TAX1BP1: variants seen among roughly 807,000 people sequenced by gnomAD.
TAX1BP1 encodes Tax1 binding protein 1.
TAX1BP1 carries 62 observed loss-of-function variants against 97.7 expected under a neutral mutation model. The ratio of observed to expected loss-of-function variants is 0.63; its 90% CI spans 0.52 to 0.78. The LOEUF (loss-of-function observed/expected upper bound fraction) is 0.78. TAX1BP1 is among the 30% of genes least tolerant of loss of function. The pLI is 0.00. For missense variants in TAX1BP1, 867 were observed against 916.1 expected, an observed-to-expected ratio of 0.95 and a Z score of 0.69; for synonymous variants, 340 against 304.2, an observed-to-expected ratio of 1.12 and a Z score of -1.23.
At chr7:27,820,525 T>G (rs934481250) in intron 15 of TAX1BP1, among the ~76,000 whole-genome samples, 2 of 152,206 alleles carry the variant, frequency 1.3e-5, no homozygotes, top group African/African-American at 4.8e-5. Context: ...TTAAATTTAA[T>G]TTTAATGTGT....
chr7:27,822,315 A>ATTGGGGAAAGTGGAAT (rs1452263932), intron 15 of TAX1BP1, among the ~76,000 whole-genome samples: 12 of 152,164 alleles, frequency 7.9e-5, no homozygotes, highest in Non-Finnish European at 1.8e-4. Context: ...TTTTGTTTTC[A>ATTGGGGAAAGTGGAAT]TACCTTTTTA....
intron 9 of TAX1BP1, 68 bp downstream of exon 9, chr7:27,792,298 A>T: frequency 7.2e-7 from 1 of 1,380,010 alleles, no homozygotes; most frequent in South Asian, 1.3e-5. Context: ...AAAGTAGTAA[A>T]TTGTGTTAAG....
chr7:27,781,342 C>A (rs1002506951), intron 5 of TAX1BP1, among the ~76,000 whole-genome samples: 1 of 152,132 alleles, frequency 6.6e-6, no homozygotes, highest in African/African-American at 2.4e-5. Context: ...AGTGTACTTA[C>A]ACAAACCTAG....
intron 5 of TAX1BP1, among the ~76,000 whole-genome samples, chr7:27,776,021 A>G (rs1451346348): frequency 6.6e-6 from 1 of 151,876 alleles, no homozygotes; most frequent in Non-Finnish European, 1.5e-5. Flanking sequence ...CTCTCTCCCC[A>G]GCTGTTTGCT....
At chr7:27,802,590 T>C (rs963729404) in intron 13 of TAX1BP1, among the ~76,000 whole-genome samples, 3 of 152,062 alleles carry the variant, frequency 2.0e-5, no homozygotes, top group African/African-American at 7.2e-5. Context: ...TCCAATATAG[T>C]TTCTAAGCTT....
chr7:27,761,315 GA>G (rs1788416534), intron 3 of TAX1BP1, among the ~76,000 whole-genome samples: 1 of 151,978 alleles, frequency 6.6e-6, no homozygotes, highest in South Asian at 2.1e-4. Flanking sequence ...ATAATTGATG[GA>G]CCAATATTAA....
chr7:27,806,071 A>G (rs1476909381), intron 13 of TAX1BP1, among the ~76,000 whole-genome samples: 1 of 151,250 alleles, frequency 6.6e-6, no homozygotes, highest in Admixed American at 6.6e-5. Context: ...TTTTGTTCTA[A>G]TACTGATAGA....
chr7:27,803,595 C>G (rs562832007), intron 13 of TAX1BP1, among the ~76,000 whole-genome samples: 31 of 152,258 alleles, frequency 2.0e-4, no homozygotes, highest in South Asian at 6.2e-4. Context: ...GTGTGGAAAA[C>G]TGCTTGTGTA....
intron 12 of TAX1BP1, among the ~76,000 whole-genome samples, chr7:27,799,685 ATATT>A (rs1277538624): frequency 2.6e-5 from 4 of 152,200 alleles, no homozygotes; most frequent in African/African-American, 4.8e-5. Flanking sequence ...AATGGATTAT[ATATT>A]CTATTTTAGC....
At chr7:27,779,886 G>A (rs1044558110) in intron 5 of TAX1BP1, among the ~76,000 whole-genome samples, 6 of 152,190 alleles carry the variant, frequency 3.9e-5, no homozygotes, top group African/African-American at 1.4e-4. Flanking sequence ...GTTTCAGCTG[G>A]ATGAAAGGGG....
At chr7:27,827,711 A>G (rs1791235232) in intron 15 of TAX1BP1, 27 bp from the exon 16 acceptor site, 1 of 1,596,266 alleles carries the variant, frequency 6.3e-7, no homozygotes, top group African/African-American at 1.3e-5. Context: ...ACTTTTCTTA[A>G]AAGTTCCAAA....
At chr7:27,819,832 A>G (rs143912423) in intron 15 of TAX1BP1, among the ~76,000 whole-genome samples, 100 of 152,320 alleles carry the variant, frequency 6.6e-4, no homozygotes, top group African/African-American at 2.3e-3. Context: ...TTCTGCATAT[A>G]TAATATCCTT....
chr7:27,744,275 G>A (rs1370185783), intron 1 of TAX1BP1, among the ~76,000 whole-genome samples: 1 of 152,124 alleles, frequency 6.6e-6, no homozygotes, highest in African/African-American at 2.4e-5. Flanking sequence ...ACAGGCGCCT[G>A]CCACCTCGCC....
intron 10 of TAX1BP1, among the ~76,000 whole-genome samples, chr7:27,794,003 C>T (rs1359460169): frequency 2.6e-5 from 4 of 152,158 alleles, no homozygotes; most frequent in African/African-American, 9.6e-5. Flanking sequence ...GACTCACTCA[C>T]ATGTATGAAT....
At chr7:27,774,035 T>C (rs189033321) in intron 5 of TAX1BP1, among the ~76,000 whole-genome samples, 1 of 152,192 alleles carries the variant, frequency 6.6e-6, no homozygotes, top group Non-Finnish European at 1.5e-5. Flanking sequence ...GCCAAAACAA[T>C]GTAATGGAGG....
intron 3 of TAX1BP1, among the ~76,000 whole-genome samples, chr7:27,758,805 A>G (rs1788320270): frequency 6.6e-6 from 1 of 152,136 alleles, no homozygotes; most frequent in Admixed American, 6.5e-5. Context: ...AGGTTCCCTC[A>G]AGGGAGGAAT....
Position 27,764,831 on chromosome 7 carries a change from A to G in TAX1BP1, c.266-1003A>G, listed in dbSNP as rs1228393500. ...TCTGTGAAATAAAGTCTAATACCAT[A>G]TTTTTTTTGTTACTTAAATTGTTTC... On this transcript the variant is annotated intron_variant, in intron 3 of 16. Transcript: ENST00000396319. 6.7e-5 allele frequency among the ~76,000 whole-genome samples: 10 copies of G among 150,064 alleles called. No homozygotes were observed. In the East Asian group the frequency reaches 2.0e-3, roughly 30 times the overall value.
intron 2 of TAX1BP1, among the ~76,000 whole-genome samples, chr7:27,755,760 CTT>C (rs1788188783): frequency 6.6e-6 from 1 of 152,120 alleles, no homozygotes; most frequent in Admixed American, 6.5e-5. Flanking sequence ...TAGTTTCTCT[CTT>C]AACATACATA....
intron 1 of TAX1BP1, among the ~76,000 whole-genome samples, chr7:27,742,237 C>A (rs551367008): frequency 2.0e-5 from 3 of 152,194 alleles, no homozygotes; most frequent in Non-Finnish European, 2.9e-5. Flanking sequence ...AGGTCTTTCC[C>A]TTCCCACGAG....
Sources: allele counts gnomAD v4.1 joint callset (sites outside exome capture counted in the v4.1 genomes callset), GRCh38; gene constraint gnomAD v4.1.1; transcripts MANE v1.5; gene names NCBI Gene and HGNC (gene_info 2026-07-23, HGNC 2026-07-21).